Variants in LRTM3 observed in about 807,000 individuals in gnomAD.
The protein encoded by LRTM3 is leucine-rich repeat transmembrane protein 3.
the LRTM3 span, chr13:102,736,311 G>A: frequency 6.4e-7 from 1 of 1,551,116 alleles, no homozygotes; most frequent in East Asian, 2.4e-5. Flanking sequence ...CTCTTACTCA[G>A]AGGACTGTGC....
chr13:102,738,507 A>G, the LRTM3 span: 13 of 1,550,698 alleles, frequency 8.4e-6, no homozygotes, highest in South Asian at 8.3e-5. Context: ...TTAATGTCCA[A>G]CTGAATTCCC....
the LRTM3 span, chr13:102,731,848 C>T: frequency 3.2e-6 from 5 of 1,549,888 alleles, no homozygotes; most frequent in South Asian, 4.8e-5. Flanking sequence ...GATCTTCAAG[C>T]ATAGATGGAC....
chr13:102,737,272 C>G, the LRTM3 span: 103 of 1,550,992 alleles, frequency 6.6e-5, no homozygotes, highest in South Asian at 1.2e-3. Context: ...GTGCTATTTT[C>G]CCTGCATCAA....
chr13:102,742,861 T>C, the LRTM3 span: 3 of 1,550,796 alleles, frequency 1.9e-6, no homozygotes, highest in African/African-American at 1.4e-5. Flanking sequence ...CAATGTTCTG[T>C]TTATCATATT....
the LRTM3 span, among the ~76,000 whole-genome samples, chr13:102,752,055 G>T: frequency 6.6e-6 from 1 of 151,994 alleles, no homozygotes; most frequent in African/African-American, 2.4e-5. Context: ...CCTCCCTTTC[G>T]CCTTCAACAA....
chr13:102,736,490 T>A, the LRTM3 span: 4 of 1,551,158 alleles, frequency 2.6e-6, no homozygotes, highest in Middle Eastern at 1.7e-4. Flanking sequence ...AGGTGCTGTT[T>A]GCCTTGAAGG....
the LRTM3 span, among the ~76,000 whole-genome samples, chr13:102,754,535 C>T: frequency 2.0e-5 from 3 of 152,258 alleles, no homozygotes; most frequent in Admixed American, 6.5e-5. Context: ...ACTGACCCAA[C>T]TCTTTCCTCA....
the LRTM3 span, chr13:102,745,685 T>C: frequency 6.4e-7 from 1 of 1,551,104 alleles, no homozygotes; most frequent in Admixed American, 2.0e-5. Context: ...TGTCTCTTTC[T>C]TTTCAGTACC....
At chr13:102,750,043 T>C in the LRTM3 span, 3 of 1,550,028 alleles carry the variant, frequency 1.9e-6, no homozygotes, top group Non-Finnish European at 2.6e-6. Context: ...ATCTAGATGC[T>C]GAAAAGCTAA....
the LRTM3 span, chr13:102,736,132 G>T: frequency 6.5e-7 from 1 of 1,542,062 alleles, no homozygotes; most frequent in East Asian, 2.5e-5. Flanking sequence ...TTGCAAGTCT[G>T]CTTTTTCCTG....
the LRTM3 span, chr13:102,736,186 A>T: frequency 6.5e-7 from 1 of 1,547,856 alleles, no homozygotes; most frequent in Non-Finnish European, 8.7e-7. Flanking sequence ...GAGAGAATCT[A>T]TGGTGAGAGA....
chr13:102,742,000 T>G, the LRTM3 span: 1 of 1,550,638 alleles, frequency 6.4e-7, no homozygotes, highest in Non-Finnish European at 8.7e-7. Flanking sequence ...CAGTACAACC[T>G]GACAATGACC....
At chr13:102,748,131 C>T in the LRTM3 span, 1 of 1,551,018 alleles carries the variant, frequency 6.4e-7, no homozygotes. Context: ...CTATGTGTTT[C>T]TGTATCAGGT....
the LRTM3 span, chr13:102,748,694 G>A: frequency 2.3e-5 from 35 of 1,549,932 alleles, no homozygotes; most frequent in Non-Finnish European, 3.1e-5. Flanking sequence ...ATGAAATTCT[G>A]TAATACCAAT....
the LRTM3 span, chr13:102,747,515 T>G: frequency 6.4e-7 from 1 of 1,550,788 alleles, no homozygotes; most frequent in Non-Finnish European, 8.7e-7. Flanking sequence ...AGTAAGCAAG[T>G]GGTTATTGAA....
the LRTM3 span, chr13:102,738,599 A>C: frequency 5.2e-6 from 8 of 1,550,124 alleles, no homozygotes; most frequent in Non-Finnish European, 7.0e-6. Context: ...TATAGATTCT[A>C]GGGCCTTTTT....
chr13:102,737,904 T>C, the LRTM3 span: 2 of 1,550,978 alleles, frequency 1.3e-6, no homozygotes, highest in Non-Finnish European at 1.7e-6. Flanking sequence ...AACAGAACTC[T>C]TTCCTGTTCA....
the LRTM3 span, chr13:102,735,605 T>A: frequency 6.4e-7 from 1 of 1,551,142 alleles, no homozygotes; most frequent in Non-Finnish European, 8.7e-7. Flanking sequence ...TGCTTTCAGG[T>A]CTGTACATTT....
the LRTM3 span, chr13:102,758,978 T>C: frequency 8.4e-7 from 1 of 1,186,400 alleles, no homozygotes; most frequent in Non-Finnish European, 1.2e-6. Context: ...TCAGAAGTCC[T>C]TGATTTCAGA....
Sources: gnomAD v4.1 joint callset for allele counts (sites outside exome capture counted in the v4.1 genomes callset) on GRCh38, gnomAD v4.1.1 for gene constraint, MANE v1.5 for transcripts, NCBI Gene and HGNC (gene_info 2026-07-23, HGNC 2026-07-21) for gene names.